Variants in SYN2 observed in about 807,000 individuals in gnomAD.
The protein encoded by SYN2 is synapsin-2.
SYN2 carries 19 observed loss-of-function variants against 50.9 expected under a neutral mutation model. That is an observed-to-expected ratio of 0.37 (90% CI 0.26 to 0.55). SYN2 has a LOEUF of 0.55. Among genes scored for constraint, SYN2 ranks in the 20% least tolerant of loss-of-function variants. The pLI, the probability that SYN2 is intolerant of heterozygous loss-of-function variation, is 0.81. For synonymous variants in SYN2, 255 were observed against 224.9 expected, an observed-to-expected ratio of 1.13 and a Z score of -1.20; for missense variants, 587 against 576.4, an observed-to-expected ratio of 1.02 and a Z score of -0.19.
intron 1 of SYN2, among the ~76,000 whole-genome samples, chr3:12,099,244 A>G (rs1192520699): frequency 6.6e-6 from 1 of 152,162 alleles, no homozygotes; most frequent in African/African-American, 2.4e-5. Flanking sequence ...AACACCCAAC[A>G]ATAGTAGAAT....
intron 1 of SYN2, among the ~76,000 whole-genome samples, chr3:12,027,863 A>G (rs1046487293): frequency 6.6e-6 from 1 of 152,156 alleles, no homozygotes; most frequent in Admixed American, 6.5e-5. Flanking sequence ...TTAGGCATCA[A>G]TGTCAGGAAA....
At position 12,175,426 on chromosome 3, in the gene SYN2, G is replaced by T. The variant is rs141312786; in HGVS notation, c.1308+5520G>T. 2.7e-4 allele frequency among the ~76,000 whole-genome samples: 41 copies of T among 152,358 alleles called. No individual in the cohort carries two copies. The East Asian group carries it at 7.7e-3, about 29-fold the overall frequency. ...AGCTCAGCCCTTAGGTGTTGTCACT[G>T]ACTTGCTCACAGGCATTGTCACCAT... On this transcript the variant is annotated intron_variant, in intron 10 of 12. Coordinates refer to ENST00000621198, the MANE Select transcript of SYN2 (RefSeq NM_133625.6).
intron 11 of SYN2, chr3:12,184,629 G>T (rs774496714): frequency 1.0e-6 from 1 of 985,882 alleles, no homozygotes. Context: ...TTCCTGGGAG[G>T]AACTGTCTCA....
chr3:12,050,499 C>T (rs1694832665), intron 1 of SYN2, among the ~76,000 whole-genome samples: 3 of 151,758 alleles, frequency 2.0e-5, no homozygotes, highest in African/African-American at 7.3e-5. Flanking sequence ...GTGTGTGCCA[C>T]CATGCCCAGC....
At chr3:12,076,338 A>G (rs1695466907) in intron 1 of SYN2, among the ~76,000 whole-genome samples, 1 of 152,024 alleles carries the variant, frequency 6.6e-6, no homozygotes, top group African/African-American at 2.4e-5. Flanking sequence ...GTTAGGCAAA[A>G]TCTTGTTTTA....
chr3:12,135,950 C>A (rs991799433), intron 1 of SYN2, among the ~76,000 whole-genome samples: 21 of 152,138 alleles, frequency 1.4e-4, no homozygotes, highest in Admixed American at 9.8e-4. Context: ...TATTTAAAAT[C>A]AAAAATTTTC....
intron 2 of SYN2, 52 bp from the exon 3 acceptor site, chr3:12,141,853 G>A: frequency 2.6e-6 from 2 of 778,878 alleles, no homozygotes; most frequent in Non-Finnish European, 4.8e-6. Context: ...GCTATGTAGA[G>A]GACTTGGTGA....
intron 5 of SYN2, among the ~76,000 whole-genome samples, chr3:12,154,869 GT>G (rs11286418): frequency 0.69 from 104,921 of 152,046 alleles, 37,208 homozygotes; most frequent in Middle Eastern, 0.79. Flanking sequence ...TCCCAGCACA[GT>G]TGTGGTCCCA....
chr3:12,138,645 C>T (rs1475021911), intron 1 of SYN2, among the ~76,000 whole-genome samples: 2 of 152,190 alleles, frequency 1.3e-5, no homozygotes, highest in African/African-American at 4.8e-5. Context: ...GGCTCCTTCA[C>T]AGAGTTGTGA....
chr3:12,097,902 T>C (rs1325122240), intron 1 of SYN2, among the ~76,000 whole-genome samples: 2 of 152,026 alleles, frequency 1.3e-5, no homozygotes, highest in Non-Finnish European at 2.9e-5. Context: ...ATACCTAATG[T>C]AAATGACCCA....
chr3:12,069,769 G>A (rs985394852), intron 1 of SYN2, among the ~76,000 whole-genome samples: 6 of 151,070 alleles, frequency 4.0e-5, no homozygotes, highest in South Asian at 2.1e-4. Context: ...ATCCTACTGG[G>A]TGTGATTTGG....
chr3:12,056,391 A>G lies in SYN2; in HGVS notation c.377+51463A>G, dbSNP rs2125158909. Among the ~76,000 whole-genome samples the G allele has an allele frequency of 1.4e-5, 2 of 146,388 alleles. 1 individual carries two copies. The highest frequency in any genetic ancestry group is 7.0e-3 in the Middle Eastern group (2 of 284). The stretch of plus-strand genomic sequence containing the variant: ...GATACATGAGTGTTTGCCTTATAAC[A>G]ACTCATTAAACTCATTAAGCAATAC... On this transcript the variant is annotated intron_variant, in intron 1 of 12. Transcript: ENST00000621198.
intron 4 of SYN2, among the ~76,000 whole-genome samples, chr3:12,150,978 A>G (rs1697271793): frequency 6.6e-6 from 1 of 152,230 alleles, no homozygotes. Context: ...ATATGATAAA[A>G]TACTAGTTCA....
At chr3:12,189,740 T>G (rs758257257) in intron 12 of SYN2, among the ~76,000 whole-genome samples, 3 of 152,108 alleles carry the variant, frequency 2.0e-5, no homozygotes, top group Non-Finnish European at 4.4e-5. Context: ...AGGCGGAGGT[T>G]GCAGTGAGCA....
At chr3:12,033,969 T>A (rs1694438648) in intron 1 of SYN2, among the ~76,000 whole-genome samples, 1 of 152,274 alleles carries the variant, frequency 6.6e-6, no homozygotes, top group Admixed American at 6.5e-5. Flanking sequence ...TCTGTGTAAT[T>A]ATAAATAAAG....
rs1322929439 is a variant in SYN2, at chr3:12,028,446, G to A, written c.377+23518G>A. ...TCTAGTTCTAGATCCCTGAGGAATC[G>A]CCACACTGACTTCCACAATGGTTGA... On this transcript the variant is annotated intron_variant, in intron 1 of 12. Coordinates refer to ENST00000621198, the MANE Select transcript of SYN2 (RefSeq NM_133625.6). Among the ~76,000 whole-genome samples the A allele has an allele frequency of 3.4e-5, 5 of 148,052 alleles. No homozygotes were observed. The South Asian group carries it at 8.7e-4, about 26-fold the overall frequency.
At chr3:12,006,844 G>A (rs1282682137) in intron 1 of SYN2, among the ~76,000 whole-genome samples, 1 of 152,204 alleles carries the variant, frequency 6.6e-6, no homozygotes, top group East Asian at 1.9e-4. Flanking sequence ...GTTAGTGAGA[G>A]CCAGAGTTAT....
chr3:12,172,152 C>G (rs1697951230), intron 10 of SYN2, among the ~76,000 whole-genome samples: 1 of 152,164 alleles, frequency 6.6e-6, no homozygotes, highest in Non-Finnish European at 1.5e-5. Flanking sequence ...AGGGCTAATC[C>G]TCACTCTGCT....
intron 1 of SYN2, among the ~76,000 whole-genome samples, chr3:12,110,866 G>A (rs1049884634): frequency 2.0e-5 from 3 of 152,180 alleles, no homozygotes; most frequent in Non-Finnish European, 4.4e-5. Flanking sequence ...ATTGTATCTG[G>A]GAAGTAACTA....
Sources: allele counts gnomAD v4.1 joint callset (sites outside exome capture counted in the v4.1 genomes callset), GRCh38; gene constraint gnomAD v4.1.1; transcripts MANE v1.5; gene names NCBI Gene and HGNC (gene_info 2026-07-23, HGNC 2026-07-21).